The following GAD2 variants were observed in gnomAD, a reference collection of about 807,000 sequenced individuals.
The protein encoded by GAD2 is 65 kDa glutamic acid decarboxylase.
In GAD2, 22 loss-of-function variants were observed where a neutral mutation model predicts 80.1. The observed-to-expected ratio is 0.27, with a 90% CI of 0.20 to 0.39. The LOEUF is 0.39. GAD2 is among the 10% of genes least tolerant of loss of function. The pLI is 1.00. For synonymous variants in GAD2, 274 were observed against 256.9 expected (o/e 1.07, Z -0.64); for missense variants, 624 against 738.4 (o/e 0.85, Z 1.80).
intron 8 of GAD2, among the ~76,000 whole-genome samples, chr10:26,267,106 T>G (rs1009143875): frequency 6.6e-6 from 1 of 152,240 alleles, no homozygotes; most frequent in African/African-American, 2.4e-5. Flanking sequence ...AAGTATGATA[T>G]GATTTGATGA....
intron 6 of GAD2, among the ~76,000 whole-genome samples, chr10:26,226,551 C>T (rs1844526758): frequency 6.6e-6 from 1 of 152,220 alleles, no homozygotes; most frequent in Non-Finnish European, 1.5e-5. Flanking sequence ...CGAGAAGTGG[C>T]TCATCACATC....
At chr10:26,275,598 T>C (rs6482550) in intron 11 of GAD2, among the ~76,000 whole-genome samples, 64,853 of 152,172 alleles carry the variant, frequency 0.43, 17,734 homozygotes, top group African/African-American at 0.79. Context: ...CCCATTTAAC[T>C]GAGGATACCC....
At chr10:26,228,910 C>A (rs1420619160) in intron 6 of GAD2, among the ~76,000 whole-genome samples, 4 of 152,080 alleles carry the variant, frequency 2.6e-5, no homozygotes, top group Admixed American at 2.6e-4. Context: ...GTTGATTAGG[C>A]CAGGCGTGGT....
At chr10:26,300,730 T>G in intron 15 of GAD2, 58 bp from the exon 16 acceptor site, 1 of 1,527,302 alleles carries the variant, frequency 6.5e-7, no homozygotes, top group Non-Finnish European at 9.0e-7. Flanking sequence ...GTTGGGTTCT[T>G]TGACTCAGGG....
At chr10:26,249,099 G>A (rs143641155) in intron 8 of GAD2, among the ~76,000 whole-genome samples, 9,843 of 152,258 alleles carry the variant, frequency 0.065, 398 homozygotes, top group Non-Finnish European at 0.09. Flanking sequence ...GTCTCGCTCT[G>A]TTGCCCAGGC....
intron 8 of GAD2, among the ~76,000 whole-genome samples, chr10:26,247,397 A>T (rs1844822478): frequency 6.6e-6 from 1 of 152,102 alleles, no homozygotes; most frequent in African/African-American, 2.4e-5. Context: ...AGAATGCCTT[A>T]ACCGTCTGGG....
intron 7 of GAD2, among the ~76,000 whole-genome samples, chr10:26,241,474 C>A (rs1271475200): frequency 6.6e-6 from 1 of 152,172 alleles, no homozygotes; most frequent in African/African-American, 2.4e-5. Flanking sequence ...CAGCCTATCC[C>A]CTGATCCCAG....
At chr10:26,295,362 GA>G (rs1273565492) in intron 15 of GAD2, among the ~76,000 whole-genome samples, 2 of 152,096 alleles carry the variant, frequency 1.3e-5, no homozygotes, top group African/African-American at 4.8e-5. Flanking sequence ...TTCAGATTTG[GA>G]AATGAAAATA....
chr10:26,233,661 A>T (rs1007054651), intron 7 of GAD2, among the ~76,000 whole-genome samples: 2 of 152,108 alleles, frequency 1.3e-5, no homozygotes, highest in African/African-American at 4.8e-5. Flanking sequence ...GTCTTTTCAG[A>T]TTTTACAATC....
chr10:26,294,108 A>C (rs1434236786), intron 15 of GAD2, among the ~76,000 whole-genome samples: 1 of 152,154 alleles, frequency 6.6e-6, no homozygotes, highest in Non-Finnish European at 1.5e-5. Flanking sequence ...ATTCGAAACT[A>C]GGGATGGTCA....
chr10:26,229,876 T>C lies in GAD2; in HGVS notation c.840+99T>C, dbSNP rs73594328. 5.9e-4 allele frequency: 490 copies of C among 824,060 alleles called. 2 individuals are homozygous for C. In the African/African-American group the frequency reaches 6.9e-3, roughly 12 times the overall value. The allele number at this position is 824,060 out of a possible 1,614,324, so 51.0% of individuals were successfully genotyped here. A position where few individuals can be genotyped will look rare whatever the true frequency, so the allele number is the denominator to read the frequency against. On this transcript the variant is annotated intron_variant, in intron 7 of 15. Coordinates refer to ENST00000376261, the MANE Select transcript of GAD2 (RefSeq NM_001134366.2). ...ATGCATTATCCCCAGAGGCCCTCTT[T>C]CTGGAAGACACCTTGGGAGGGAATG...
chr10:26,232,512 T>C (rs1177137172), intron 7 of GAD2, among the ~76,000 whole-genome samples: 1 of 147,114 alleles, frequency 6.8e-6, no homozygotes, highest in Admixed American at 6.9e-5. Flanking sequence ...TCTAGCCCTG[T>C]CGCCCAGGCT....
Position 26,286,451 on chromosome 10 carries a change from G to A in GAD2, c.1343G>A (p.Arg448His), listed in dbSNP as rs1845333785. Residue 448 changes from arginine to histidine, a missense_variant, in exon 13 of 16, where the codon CGC becomes CAC. Coordinates refer to ENST00000376261, the MANE Select transcript of GAD2 (RefSeq NM_001134366.2). ...GGAGACAAGGCCTTACAGTGCGGACGCCACGTTGATGTTTTTAAACTATGG... is the reference window on the plus strand; with the variant it reads ...GGAGACAAGGCCTTACAGTGCGGACACCACGTTGATGTTTTTAAACTATGG... ...DTGDKALQCGRHVDVFKLWLM... is the reference protein window; with the variant it reads ...DTGDKALQCGHHVDVFKLWLM... 4.3e-6 allele frequency: 7 copies of A among 1,613,692 alleles called. No homozygotes were observed. Among genetic ancestry groups the A allele is most frequent in the African/African-American group, 1.3e-5 (1 of 74,898 alleles).
At chr10:26,224,509 A>G in intron 5 of GAD2, 30 bp from the exon 6 acceptor site, 4 of 1,233,548 alleles carry the variant, frequency 3.2e-6, no homozygotes, top group South Asian at 1.2e-5. Context: ...TGAGTTACAG[A>G]GGTAAAATGT....
chr10:26,265,205 CTT>C (rs66464746), intron 8 of GAD2, among the ~76,000 whole-genome samples: 3,045 of 136,984 alleles, frequency 0.022, 108 homozygotes, highest in African/African-American at 0.075. Context: ...CATCATACGA[CTT>C]TTTTTTTTTT....
chr10:26,296,524 C>G (rs919193409), intron 15 of GAD2, among the ~76,000 whole-genome samples: 1 of 152,142 alleles, frequency 6.6e-6, no homozygotes, highest in African/African-American at 2.4e-5. Context: ...TATGATCTTG[C>G]AGATGGCGCT....
intron 12 of GAD2, among the ~76,000 whole-genome samples, chr10:26,281,608 C>A (rs1845272885): frequency 6.6e-6 from 1 of 152,068 alleles, no homozygotes; most frequent in Non-Finnish European, 1.5e-5. Context: ...TATTTAAAGC[C>A]ATGTTCAAAG....
rs143176321 is a variant in GAD2 at position 26,274,716 on chromosome 10, G to A, written c.1157+1016G>A. On this transcript the variant is annotated intron_variant, in intron 11 of 15. Transcript: ENST00000376261. The stretch of plus-strand genomic sequence containing the variant: ...GCCAGAGTGGCTGTGCAGAGGGTGC[G>A]ATCTGACACCCAGGCCCAAAATACA... 7.5e-4 allele frequency among the ~76,000 whole-genome samples: 115 copies of A among 152,332 alleles called. 2 individuals carry two copies. In the East Asian group the frequency reaches 0.018, roughly 23 times the overall value.
intron 11 of GAD2, among the ~76,000 whole-genome samples, chr10:26,278,966 C>T (rs940562644): frequency 6.6e-6 from 1 of 151,972 alleles, no homozygotes; most frequent in Non-Finnish European, 1.5e-5. Context: ...GATGAGCCCA[C>T]GTCCATTGTA....
Sources: gnomAD v4.1 joint callset for allele counts (sites outside exome capture counted in the v4.1 genomes callset) on GRCh38, gnomAD v4.1.1 for gene constraint, MANE v1.5 for transcripts, NCBI Gene and HGNC (gene_info 2026-07-23, HGNC 2026-07-21) for gene names.